TANC2: variants seen among roughly 807,000 people sequenced by gnomAD.
TANC2 encodes tetratricopeptide repeat, ankyrin repeat and coiled-coil containing 2, also known as protein TANC2.
TANC2 carries 26 observed loss-of-function variants against 210.5 expected under a neutral mutation model. The observed-to-expected ratio is 0.12, with a 90% CI of 0.09 to 0.17. The LOEUF is 0.17. Ranked by LOEUF, TANC2 falls within the 10% of genes least tolerant of loss-of-function variation. The pLI is 1.00. For synonymous variants in TANC2, 931 were observed against 967.1 expected, an observed-to-expected ratio of 0.96 and a Z score of 0.69; for missense variants, 2,129 against 2,608.9, an observed-to-expected ratio of 0.82 and a Z score of 4.01.
chr17:63,367,065 C>T (rs771082679), intron 14 of TANC2, among the ~76,000 whole-genome samples: 1 of 152,188 alleles, frequency 6.6e-6, no homozygotes, highest in African/African-American at 2.4e-5. Flanking sequence ...GTCTTAACAG[C>T]GACAGCAGAA....
chr17:63,328,808 A>G (rs550981947), intron 11 of TANC2, among the ~76,000 whole-genome samples: 2 of 152,302 alleles, frequency 1.3e-5, no homozygotes, highest in Non-Finnish European at 2.9e-5. Context: ...ATAAAAAATG[A>G]TACAATAGGG....
At chr17:63,097,939 C>T (rs1567720250) in intron 3 of TANC2, among the ~76,000 whole-genome samples, 2 of 152,108 alleles carry the variant, frequency 1.3e-5, no homozygotes. Context: ...GATGTCTAAT[C>T]TACATTTACA....
At chr17:63,297,944 T>A (rs932639678) in intron 9 of TANC2, among the ~76,000 whole-genome samples, 1 of 152,050 alleles carries the variant, frequency 6.6e-6, no homozygotes, top group Non-Finnish European at 1.5e-5. Flanking sequence ...ATGTCTAGCT[T>A]ATGAAAAGAT....
intron 8 of TANC2, among the ~76,000 whole-genome samples, chr17:63,264,962 A>C (rs1008791117): frequency 6.6e-6 from 1 of 152,198 alleles, no homozygotes; most frequent in Non-Finnish European, 1.5e-5. Flanking sequence ...TCGTCTCAAA[A>C]AAAAGGAACT....
intron 9 of TANC2, among the ~76,000 whole-genome samples, chr17:63,272,852 C>A (rs1471339961): frequency 2.6e-5 from 4 of 152,128 alleles, no homozygotes; most frequent in Non-Finnish European, 4.4e-5. Flanking sequence ...ATAATATCCT[C>A]TGGATGTATG....
chr17:63,092,536 G>A (rs1376747563), intron 3 of TANC2, among the ~76,000 whole-genome samples: 1 of 152,036 alleles, frequency 6.6e-6, no homozygotes, highest in African/African-American at 2.4e-5. Context: ...AAGAAAAGAG[G>A]TTTAATTGGC....
chr17:63,108,868 G>A (rs2037926113), intron 4 of TANC2, among the ~76,000 whole-genome samples: 2 of 150,696 alleles, frequency 1.3e-5, no homozygotes, highest in African/African-American at 2.5e-5. Context: ...TATATAGTTG[G>A]CCATAAAGAA....
At chr17:63,105,259 T>C (rs2037782383) in intron 4 of TANC2, among the ~76,000 whole-genome samples, 1 of 151,750 alleles carries the variant, frequency 6.6e-6, no homozygotes, top group African/African-American at 2.4e-5. Context: ...AATGACCATG[T>C]GGCAATCCAA....
intron 8 of TANC2, among the ~76,000 whole-genome samples, chr17:63,266,995 G>A (rs147305920): frequency 2.0e-3 from 304 of 151,976 alleles, no homozygotes; most frequent in African/African-American, 7.0e-3. Flanking sequence ...GACTACAGGC[G>A]CACACCACCA....
chr17:63,123,683 CTT>C (rs957485298), intron 4 of TANC2, among the ~76,000 whole-genome samples: 42 of 93,878 alleles, frequency 4.5e-4, no homozygotes, highest in African/African-American at 1.8e-3. Flanking sequence ...TAGGTAAAAT[CTT>C]TTTTTTTTTT....
intron 2 of TANC2, among the ~76,000 whole-genome samples, chr17:63,015,995 A>G (rs534714631): frequency 2.6e-5 from 4 of 152,214 alleles, no homozygotes; most frequent in East Asian, 3.9e-4. Context: ...GTGGGGAGAT[A>G]CTGGCAATTT....
chr17:63,072,363 A>T (rs548825479), intron 2 of TANC2, among the ~76,000 whole-genome samples: 4 of 152,120 alleles, frequency 2.6e-5, no homozygotes, highest in Non-Finnish European at 5.9e-5. Context: ...ATTTCAACAG[A>T]GGCAGATCAG....
At chr17:63,321,388 C>G (rs1419775069) in intron 11 of TANC2, among the ~76,000 whole-genome samples, 1 of 152,096 alleles carries the variant, frequency 6.6e-6, no homozygotes, top group Non-Finnish European at 1.5e-5. Flanking sequence ...TCTTCCTTTT[C>G]TCCAGCTGTC....
intron 7 of TANC2, among the ~76,000 whole-genome samples, chr17:63,236,184 G>T (rs568300658): frequency 6.6e-6 from 1 of 152,028 alleles, no homozygotes. Context: ...TTTAGGGACC[G>T]CTGAGGCTCT....
At chr17:63,226,121 T>C (rs1347707793) in intron 7 of TANC2, among the ~76,000 whole-genome samples, 2 of 152,224 alleles carry the variant, frequency 1.3e-5, no homozygotes, top group Non-Finnish European at 2.9e-5. Context: ...ATTATTTTGA[T>C]TACTGTTTTT....
intron 3 of TANC2, among the ~76,000 whole-genome samples, chr17:63,093,994 C>A (rs1052959545): frequency 5.3e-5 from 8 of 151,904 alleles, no homozygotes; most frequent in Admixed American, 4.6e-4. Flanking sequence ...CAGATGTATT[C>A]CTAAATATTT....
At chr17:63,343,038 G>A (rs1469100137) in intron 12 of TANC2, among the ~76,000 whole-genome samples, 1 of 152,132 alleles carries the variant, frequency 6.6e-6, no homozygotes, top group Non-Finnish European at 1.5e-5. Flanking sequence ...ATTTATTAGA[G>A]TGACCCAAAA....
At chr17:63,365,461 C>G (rs1362269705) in intron 14 of TANC2, among the ~76,000 whole-genome samples, 1 of 152,158 alleles carries the variant, frequency 6.6e-6, no homozygotes, top group African/African-American at 2.4e-5. Context: ...TTGCCCTCTT[C>G]GAGTCCATTC....
At chr17:63,076,547 C>G (rs1327937808) in intron 3 of TANC2, among the ~76,000 whole-genome samples, 1 of 152,076 alleles carries the variant, frequency 6.6e-6, no homozygotes, top group Non-Finnish European at 1.5e-5. Context: ...CTTTTCAGTC[C>G]CCTGCCCTTA....
Sources: allele counts gnomAD v4.1 joint callset (sites outside exome capture counted in the v4.1 genomes callset), GRCh38; gene constraint gnomAD v4.1.1; transcripts MANE v1.5; gene names NCBI Gene and HGNC (gene_info 2026-07-23, HGNC 2026-07-21).